Variants in GPC6 observed in about 807,000 individuals in gnomAD.
GPC6 encodes glypican-6.
A neutral mutation model predicts 55.2 loss-of-function variants in GPC6; 14 were observed. That is an observed-to-expected ratio of 0.25 (90% CI 0.17 to 0.40). The LOEUF is 0.40. GPC6 is among the 10% of genes least tolerant of loss of function. The probability of loss-of-function intolerance (pLI) is 1.00; values close to 1 mark genes in which losing one functional copy is unlikely to be tolerated. For missense variants in GPC6, 641 were observed against 708.5 expected (o/e 0.90, Z 1.08); for synonymous variants, 278 against 259.6 (o/e 1.07, Z -0.68).
chr13:94,001,833 T>C (rs1449620752), intron 3 of GPC6, among the ~76,000 whole-genome samples: 2 of 152,036 alleles, frequency 1.3e-5, no homozygotes, highest in Non-Finnish European at 2.9e-5. Flanking sequence ...ACTATTGCAA[T>C]GGGAGAGCGA....
At chr13:93,727,918 A>C (rs2138832219) in intron 2 of GPC6, among the ~76,000 whole-genome samples, 1 of 152,202 alleles carries the variant, frequency 6.6e-6, no homozygotes, top group Non-Finnish European at 1.5e-5. Flanking sequence ...CTTCACAGAG[A>C]GAGTCACTAT....
chr13:94,334,821 A>C (rs1877600047), intron 6 of GPC6, among the ~76,000 whole-genome samples: 1 of 152,206 alleles, frequency 6.6e-6, no homozygotes, highest in African/African-American at 2.4e-5. Flanking sequence ...TCCAGCTTTA[A>C]GCTCTGCCCT....
At chr13:93,760,488 A>C (rs924181045) in intron 2 of GPC6, among the ~76,000 whole-genome samples, 1 of 152,162 alleles carries the variant, frequency 6.6e-6, no homozygotes, top group African/African-American at 2.4e-5. Context: ...TCCTCAGGCA[A>C]CTTCAAGCTT....
chr13:94,171,646 G>T lies in GPC6; in HGVS notation c.878-114703G>T, dbSNP rs540962197. Among the ~76,000 whole-genome samples the T allele has an allele frequency of 2.0e-5, 3 of 152,244 alleles. No homozygotes were observed. The South Asian group carries it at 6.2e-4, about 32-fold the overall frequency. ...GAATTGTAAAAAGGGATTTTGCTAG[G>T]GGGTAAAACCAAGACATTTGTCCTT... is the stretch of plus-strand genomic sequence containing the variant. On this transcript the variant is annotated intron_variant, in intron 4 of 8. Transcript: ENST00000377047.
At chr13:94,264,988 C>T (rs1891754829) in intron 4 of GPC6, among the ~76,000 whole-genome samples, 1 of 152,116 alleles carries the variant, frequency 6.6e-6, no homozygotes, top group Admixed American at 6.5e-5. Context: ...GAAACTGCTC[C>T]CATGTTTCAG....
intron 1 of GPC6, among the ~76,000 whole-genome samples, chr13:93,441,465 A>T (rs1877798832): frequency 6.6e-6 from 1 of 151,992 alleles, no homozygotes. Context: ...GCATTTTTTC[A>T]TGTGTTTTGG....
At chr13:93,459,746 C>CTAT (rs1266605835) in intron 1 of GPC6, among the ~76,000 whole-genome samples, 1 of 152,106 alleles carries the variant, frequency 6.6e-6, no homozygotes, top group Non-Finnish European at 1.5e-5. Context: ...TGTTTCTTGG[C>CTAT]TATTGTCTTA....
intron 2 of GPC6, among the ~76,000 whole-genome samples, chr13:93,705,094 C>T (rs1028782100): frequency 6.6e-6 from 1 of 151,954 alleles, no homozygotes; most frequent in African/African-American, 2.4e-5. Flanking sequence ...AAACAACTCA[C>T]AACTTTGGTA....
intron 1 of GPC6, among the ~76,000 whole-genome samples, chr13:93,408,536 A>C (rs1876379686): frequency 6.6e-6 from 1 of 152,176 alleles, no homozygotes; most frequent in African/African-American, 2.4e-5. Context: ...GCAGTGCAAA[A>C]CTGATTTTGA....
intron 3 of GPC6, among the ~76,000 whole-genome samples, chr13:93,831,212 T>C (rs1486612475): frequency 1.3e-5 from 2 of 152,176 alleles, no homozygotes; most frequent in Admixed American, 1.3e-4. Flanking sequence ...TAATCTACTT[T>C]TGGGCCTTTC....
intron 4 of GPC6, among the ~76,000 whole-genome samples, chr13:94,198,374 A>C (rs1181413098): frequency 6.6e-6 from 1 of 152,188 alleles, no homozygotes; most frequent in Admixed American, 6.5e-5. Flanking sequence ...TTTTAGGACC[A>C]TTACAGGAAT....
chr13:93,912,563 G>A (rs548751170), intron 3 of GPC6, among the ~76,000 whole-genome samples: 5 of 152,188 alleles, frequency 3.3e-5, no homozygotes, highest in Admixed American at 6.5e-5. Flanking sequence ...CTAACACGGT[G>A]AAACCCCATC....
intron 4 of GPC6, among the ~76,000 whole-genome samples, chr13:94,206,516 A>C (rs1389864619): frequency 6.6e-6 from 1 of 152,086 alleles, no homozygotes; most frequent in African/African-American, 2.4e-5. Flanking sequence ...GGCCTTGCTA[A>C]TCCTGGAGAG....
chr13:93,255,323 T>C (rs1477562960), intron 1 of GPC6, among the ~76,000 whole-genome samples: 1 of 152,214 alleles, frequency 6.6e-6, no homozygotes, highest in Non-Finnish European at 1.5e-5. Flanking sequence ...ACCTTAAAGA[T>C]TTATCTTCTT....
chr13:93,795,955 G>A (rs1296852233), intron 2 of GPC6, among the ~76,000 whole-genome samples: 1 of 151,908 alleles, frequency 6.6e-6, no homozygotes, highest in Admixed American at 6.6e-5. Context: ...CACGCCTGTA[G>A]TCCAGGTCAC....
chr13:94,333,593 T>C (rs1251857975), intron 6 of GPC6, among the ~76,000 whole-genome samples: 2 of 152,206 alleles, frequency 1.3e-5, no homozygotes, highest in Non-Finnish European at 2.9e-5. Context: ...TGTAAGACAT[T>C]GGGCAGTTTT....
At chr13:93,959,266 G>A (rs1011530702) in intron 3 of GPC6, among the ~76,000 whole-genome samples, 18 of 151,370 alleles carry the variant, frequency 1.2e-4, no homozygotes, top group Admixed American at 7.9e-4. Context: ...GAGTTCAAGC[G>A]ATTCTCCTGC....
At chr13:93,663,386 C>T (rs1359890244) in intron 2 of GPC6, among the ~76,000 whole-genome samples, 1 of 152,104 alleles carries the variant, frequency 6.6e-6, no homozygotes, top group African/African-American at 2.4e-5. Flanking sequence ...ACTTTTCTCC[C>T]ATAATAAATT....
intron 4 of GPC6, among the ~76,000 whole-genome samples, chr13:94,260,507 CTG>C (rs1253498568): frequency 3.3e-5 from 5 of 152,194 alleles, no homozygotes; most frequent in African/African-American, 1.2e-4. Context: ...TCTTCCTTCT[CTG>C]TGTGTCTGCA....
Sources: allele counts gnomAD v4.1 joint callset (sites outside exome capture counted in the v4.1 genomes callset), GRCh38; gene constraint gnomAD v4.1.1; transcripts MANE v1.5; gene names NCBI Gene and HGNC (gene_info 2026-07-23, HGNC 2026-07-21).